The following CUL9 variants were observed in gnomAD, a reference collection of about 807,000 sequenced individuals.
The protein encoded by CUL9 is cullin 9.
In CUL9, 79 loss-of-function variants were observed where a neutral mutation model predicts 272.6. The ratio of observed to expected loss-of-function variants is 0.29; its 90% confidence interval spans 0.24 to 0.35. The LOEUF (loss-of-function observed/expected upper bound fraction) is 0.35, where lower values mean the gene tolerates loss of function less well. Ranked by LOEUF, CUL9 falls within the 10% of genes least tolerant of loss-of-function variation. The pLI is 1.00. For synonymous variants in CUL9, 1,186 were observed against 1,286.5 expected (o/e 0.92, Z 1.67); for missense variants, 2,532 against 3,255.6 (o/e 0.78, Z 5.41).
In CUL9 at chr6:43,196,102, G is replaced by C; in HGVS notation, c.2422G>C (p.Glu808Gln). The C allele has an allele frequency of 6.2e-7, 1 of 1,613,886 alleles. No individual in the cohort carries two copies. Among genetic ancestry groups the C allele is most frequent in the Non-Finnish European group, 8.5e-7 (1 of 1,179,850 alleles). ...LKMLAVASSSEIPTFVTGRDS... is the reference protein window; with the variant it reads ...LKMLAVASSSQIPTFVTGRDS... ...GATGCTGGCCGTCGCCAGCTCCTCG[G>C]AGATCCCCACTTTTGTTACTGGCCG... The change falls in exon 10 of 41, where the codon GAG (glutamate) becomes CAG (glutamine). Residue 808 changes from glutamate to glutamine, a missense_variant. Glu to Gln is a conservative substitution (Grantham distance 29). This residue lies in a region of CUL9 where 2,218 missense variants were observed against 2,788.6 expected (regional missense o/e 0.80). Transcript: ENST00000252050.
In CUL9 at chr6:43,213,659, C is replaced by A; in HGVS notation, c.5489-54C>A. ...CTGTGAGAATGGGGTCATCTTAGTC[C>A]CCATTCATCTGTCCCTCTGCCTCCT... On this transcript the variant is annotated intron_variant, in intron 28 of 40. Coordinates refer to ENST00000252050, the MANE Select transcript of CUL9 (RefSeq NM_015089.4). This position sits in a 1 kb window ranked among gnomAD's most constrained non-coding sequence, Gnocchi z 5.7. 6.2e-7 allele frequency: 1 copy of A among 1,606,350 alleles called. No homozygotes were observed. Among genetic ancestry groups the A allele is most frequent in the Non-Finnish European group, 8.5e-7 (1 of 1,175,666 alleles).
In CUL9 at chr6:43,196,056, A is replaced by G. The variant is rs1773966689; in HGVS notation, c.2389-13A>G. 1 of 1,604,200 alleles carries G rather than the reference A, an allele frequency of 6.2e-7. No individual in the cohort carries two copies. The highest frequency in any genetic ancestry group is 2.2e-5 in the East Asian group (1 of 44,712). On this transcript the variant is annotated splice_polypyrimidine_tract_variant and intron_variant, in intron 9 of 40. Coordinates refer to ENST00000252050, the MANE Select transcript of CUL9 (RefSeq NM_015089.4). ...TGCCCCCTCCTCACTCTGCTTTCAC[A>G]TCCCCCTCACAGGCACTGAAGATGC...
At chr6:43,204,110 T>G in intron 20 of CUL9, 123 bp downstream of exon 20, 1 of 1,294,618 alleles carries the variant, frequency 7.7e-7, no homozygotes, top group South Asian at 1.5e-5. Flanking sequence ...GTCACCTCAG[T>G]GTTCCTCTCT....
rs757287878 is a variant in CUL9 at position 43,206,468 on chromosome 6, T to G, written c.5170T>G (p.Phe1724Val). ...YHPRKCLPTE[F>V]CDALDRFSSF... ...TCCCAGAAAGTGCCTTCCCACAGAA[T>G]TCTGTGATGCCCTTGACCGTTTCTC... Residue 1724 changes from phenylalanine (F) to valine (V), a missense_variant, in exon 26 of 41, where the codon TTC (phenylalanine) becomes GTC (valine). By Grantham distance (50) the Phe-to-Val change is conservative (BLOSUM62 -1). Around this residue, in one of 3 missense-constraint regions of CUL9, gnomAD observed 2,218 missense variants for 2,788.6 expected, o/e 0.80. Coordinates refer to ENST00000252050, the MANE Select transcript of CUL9 (RefSeq NM_015089.4). The surrounding 1 kb of genome is among the most constrained non-coding windows in gnomAD (Gnocchi z 4.8). 5.6e-6 allele frequency: 9 copies of G among 1,614,196 alleles called. No individual in the cohort carries two copies. Among genetic ancestry groups the G allele is most frequent in the Non-Finnish European group, 7.6e-6 (9 of 1,180,032 alleles).
chr6:43,213,314 C>T lies in CUL9; in HGVS notation c.5358+20C>T, dbSNP rs1320230643. ...ACAGAGGTGCTTCAGCCCTTAGCCT[C>T]TCTCTGCCTTCTCTGCTACCTTATC... On this transcript the variant is annotated intron_variant, in intron 27 of 40. Coordinates refer to ENST00000252050, the MANE Select transcript of CUL9 (RefSeq NM_015089.4). The surrounding 1 kb of genome is among the most constrained non-coding windows in gnomAD (Gnocchi z 5.7). The T allele has an allele frequency of 1.2e-6, 2 of 1,613,380 alleles. No homozygotes were observed. Among genetic ancestry groups the T allele is most frequent in the Non-Finnish European group, 1.7e-6 (2 of 1,179,496 alleles).
intron 10 of CUL9, 56 bp downstream of exon 10, chr6:43,196,321 TC>T: frequency 6.6e-7 from 1 of 1,507,192 alleles, no homozygotes; most frequent in South Asian, 1.2e-5. Context: ...ACCCTGCTAC[TC>T]CTGTGCTCCA....
At position 43,223,996 on chromosome 6, in the gene CUL9, C is replaced by A; in HGVS notation, c.7285-99C>A. ...TGTGCTGGGAGGGGAGCAGTCCTAG[C>A]AGGAGCTTGGCCCTCCCAGAGCATC... is the stretch of plus-strand genomic sequence containing the variant. On this transcript the variant is annotated intron_variant, in intron 39 of 40. Coordinates refer to ENST00000252050, the MANE Select transcript of CUL9 (RefSeq NM_015089.4). The surrounding 1 kb of genome is among the most constrained non-coding windows in gnomAD (Gnocchi z 4.1). The A allele has an allele frequency of 1.8e-6, 2 of 1,128,666 alleles. No individual in the cohort carries two copies. The highest frequency in any genetic ancestry group is 2.7e-6 in the Non-Finnish European group (2 of 740,584). The allele number at this position is 1,128,666 out of a possible 1,614,324, so 69.9% of individuals were successfully genotyped here.
rs1455111002 is a variant in CUL9 at position 43,193,122 on chromosome 6, T to C, written c.2302T>C (p.Phe768Leu). 2.5e-6 allele frequency: 4 copies of C among 1,614,094 alleles called. No individual in the cohort carries two copies. The South Asian group carries it at 4.4e-5, about 18-fold the overall frequency. The change falls in exon 9 of 41, where the codon TTT (phenylalanine) becomes CTT (leucine). Residue 768 changes from phenylalanine to leucine, a missense_variant. By Grantham distance (22) the Phe-to-Leu change is conservative. Around this residue, in one of 3 missense-constraint regions of CUL9, gnomAD observed 2,218 missense variants for 2,788.6 expected, o/e 0.80. Coordinates refer to ENST00000252050, the MANE Select transcript of CUL9 (RefSeq NM_015089.4). ...GACCAAGCACGAGTGGCGGCCGCTCTTTGCCAGGGAGGGTGGCATCTATGC... is the reference window on the plus strand; with the variant it reads ...GACCAAGCACGAGTGGCGGCCGCTCCTTGCCAGGGAGGGTGGCATCTATGC... ...LMTKHEWRPL[F>L]AREGGIYAVL...
rs368161523 is a variant in CUL9 at position 43,220,450 on chromosome 6, C to T, written c.6283-9C>T. The T allele has an allele frequency of 4.3e-6, 7 of 1,613,768 alleles. No homozygotes were observed. Among genetic ancestry groups the T allele is most frequent in the Non-Finnish European group, 5.9e-6 (7 of 1,179,872 alleles). On this transcript the variant is annotated splice_polypyrimidine_tract_variant and intron_variant, in intron 31 of 40. Coordinates refer to ENST00000252050, the MANE Select transcript of CUL9 (RefSeq NM_015089.4). This position sits in a 1 kb window ranked among gnomAD's most constrained non-coding sequence, Gnocchi z 4.9. ...GTCTGTGAGCAGCCCCTCCTTTTGT[C>T]CCTCCCAGTCTTGCTGGAATGAGTA...
Position 43,205,592 on chromosome 6 carries a change from A to G in CUL9, c.4793+169A>G, listed in dbSNP as rs1416910036. 2.0e-5 allele frequency among the ~76,000 whole-genome samples: 3 copies of G among 152,130 alleles called. No homozygotes were observed. In the East Asian group the frequency reaches 5.8e-4, roughly 29 times the overall value. On this transcript the variant is annotated intron_variant, in intron 24 of 40. Transcript: ENST00000252050. ...ACGCATGTAATCCCAGCATTCTGGC[A>G]GGCAGATCACCTGAGGTCAGGAGTT...
chr6:43,202,585 T>C, intron 16 of CUL9, 131 bp from the exon 17 acceptor site: 1 of 727,988 alleles, frequency 1.4e-6, no homozygotes, highest in South Asian at 1.5e-5. Context: ...GGTCTTGCAG[T>C]GTTGCCCAGG....
rs1455217419 is a variant in CUL9 at position 43,216,152 on chromosome 6, C to T, written c.5937-6C>T. On this transcript the variant is annotated splice_region_variant and splice_polypyrimidine_tract_variant and intron_variant, in intron 30 of 40. Transcript: ENST00000252050. Reference sequence around the variant, plus strand: ...TACTGACTTCTGTCTCTTCCCTCCCCACAAGCCCAGAAGCTGTGGCTACCC... The same window carrying T: ...TACTGACTTCTGTCTCTTCCCTCCCTACAAGCCCAGAAGCTGTGGCTACCC... The T allele has an allele frequency of 3.1e-6, 5 of 1,598,218 alleles. No homozygotes were observed. In the Admixed American group the frequency reaches 5.0e-5, roughly 16 times the overall value.
At position 43,213,563 on chromosome 6, in the gene CUL9, C is replaced by G. The variant is rs369233263; in HGVS notation, c.5484C>G (p.His1828Gln). Residue 1828 changes from histidine to glutamine, a missense_variant, in exon 28 of 41, where the codon CAC (histidine) becomes CAG (glutamine). This residue lies in a region of CUL9 where 2,218 missense variants were observed against 2,788.6 expected (regional missense o/e 0.80). Coordinates refer to ENST00000252050, the MANE Select transcript of CUL9 (RefSeq NM_015089.4). This position sits in a 1 kb window ranked among gnomAD's most constrained non-coding sequence, Gnocchi z 5.7. ...LTLHEGQDFP[H>Q]GGVLRLHEPG... ...TGCATGAGGGCCAGGACTTTCCACACGGGGGTAGGTCATTGGGGGCCGGGC... is the reference window on the plus strand; with the variant it reads ...TGCATGAGGGCCAGGACTTTCCACAGGGGGGTAGGTCATTGGGGGCCGGGC... 1 of 1,610,430 alleles carries G rather than the reference C, an allele frequency of 6.2e-7. No homozygotes were observed. The highest frequency in any genetic ancestry group is 1.1e-5 in the South Asian group (1 of 90,928).
At chr6:43,222,214 G>A (rs1776424561) in intron 35 of CUL9, 102 bp from the exon 36 acceptor site, 8 of 842,094 alleles carry the variant, frequency 9.5e-6, no homozygotes, top group Non-Finnish European at 2.0e-6. Context: ...AGATAATCGG[G>A]GGAGGTGTAG....
chr6:43,212,194 A>G (rs1321231530), intron 26 of CUL9, among the ~76,000 whole-genome samples: 2 of 152,248 alleles, frequency 1.3e-5, no homozygotes, highest in Non-Finnish European at 2.9e-5. Context: ...AGAACACTTC[A>G]TTGGTGGTAT....
In CUL9 at chr6:43,193,222, G is replaced by A. The variant is rs1280250926; in HGVS notation, c.2388+14G>A. The A allele has an allele frequency of 1.2e-6, 2 of 1,612,184 alleles. No homozygotes were observed. Among genetic ancestry groups the A allele is most frequent in the East Asian group, 4.5e-5 (2 of 44,862 alleles). ...GCTGGGCTGGCGGTGAGTACATTGG[G>A]CCTGGCGGGAGAGAACAATGGGCAA... On this transcript the variant is annotated intron_variant, in intron 9 of 40. Coordinates refer to ENST00000252050, the MANE Select transcript of CUL9 (RefSeq NM_015089.4).
chr6:43,185,861 C>A, intron 3 of CUL9, 94 bp from the exon 4 acceptor site: 3 of 1,471,232 alleles, frequency 2.0e-6, no homozygotes, highest in East Asian at 2.3e-5. Context: ...GGGGAGAAGG[C>A]CTTTATATTT....
At position 43,224,355 on chromosome 6, in the gene CUL9, C is replaced by G; in HGVS notation, c.7464C>G (p.Asp2488Glu). 2 of 1,614,238 alleles carry G rather than the reference C, an allele frequency of 1.2e-6. No individual in the cohort carries two copies. The highest frequency in any genetic ancestry group is 1.7e-6 in the Non-Finnish European group (2 of 1,180,046). ...QDEFDEELDN[D>E]SFSYDESENL... ...AGTTTGATGAGGAGCTGGACAATGA[C>G]AGCTTCTCCTACGATGAGTCTGAGA... Residue 2488 changes from aspartate to glutamate, a missense_variant, in exon 41 of 41, where the codon GAC becomes GAG. Around this residue, in one of 3 missense-constraint regions of CUL9, gnomAD observed 237 missense variants for 305.9 expected, o/e 0.77. Coordinates refer to ENST00000252050, the MANE Select transcript of CUL9 (RefSeq NM_015089.4). This position sits in a 1 kb window ranked among gnomAD's most constrained non-coding sequence, Gnocchi z 4.2.
At position 43,198,793 on chromosome 6, in the gene CUL9, C is replaced by T. The variant is rs1196053706; in HGVS notation, c.2988C>T (p.Leu996=). 1.2e-6 allele frequency: 2 copies of T among 1,613,870 alleles called. No homozygotes were observed. The highest frequency in any genetic ancestry group is 8.5e-7 in the Non-Finnish European group (1 of 1,180,060). The part of the protein sequence containing the change: ...KRLQQETQPF[L]LLLRTLDAPG... ...TCCAGCAGGAGACCCAGCCTTTCCT[C>T]CTGTTGCTGCGGACTCTGGATGCTC... Residue 996 remains leucine (L), a synonymous_variant, in exon 12 of 41, where the codon CTC becomes CTT. Transcript: ENST00000252050.
Sources: gnomAD v4.1 joint callset for allele counts (sites outside exome capture counted in the v4.1 genomes callset) on GRCh38, gnomAD v4.1.1 for gene constraint, gnomAD v4.1.1 regional missense constraint, Gnocchi (gnomAD v3.1) non-coding constraint, MANE v1.5 for transcripts, NCBI Gene and HGNC (gene_info 2026-07-23, HGNC 2026-07-21) for gene names.